KIFAP3: variants seen among roughly 807,000 people sequenced by gnomAD.
KIFAP3 encodes the protein kinesin associated protein 3.
A neutral mutation model predicts 106.5 loss-of-function variants in KIFAP3; 68 were observed. The ratio of observed to expected loss-of-function variants is 0.64; its 90% CI spans 0.53 to 0.78. The LOEUF (loss-of-function observed/expected upper bound fraction) is 0.78. Among genes scored for constraint, KIFAP3 ranks in the 30% least tolerant of loss-of-function variants. The probability of loss-of-function intolerance (pLI) is 0.00; values close to 1 mark genes in which losing one functional copy is unlikely to be tolerated. For synonymous variants in KIFAP3, 320 were observed against 311.5 expected (o/e 1.03, Z -0.29); for missense variants, 780 against 941.8 (o/e 0.83, Z 2.25).
At chr1:169,981,383 C>A (rs1445093866) in intron 15 of KIFAP3, among the ~76,000 whole-genome samples, 1 of 152,162 alleles carries the variant, frequency 6.6e-6, no homozygotes, top group African/African-American at 2.4e-5. Context: ...GCCCATTAGT[C>A]CCTTAGTAGC....
At position 170,055,454 on chromosome 1, in the gene KIFAP3, A is replaced by G; in HGVS notation, c.33-18T>C. On this transcript the variant is annotated intron_variant, in intron 1 of 19. Coordinates refer to ENST00000361580, the MANE Select transcript of KIFAP3 (RefSeq NM_014970.4). Reference sequence around the variant, plus strand: ...TAACTTTCCTATAATACAAAATTGAAATGATATAACCAGATTAAAATTCTC... The same window carrying G: ...TAACTTTCCTATAATACAAAATTGAGATGATATAACCAGATTAAAATTCTC... The G allele has an allele frequency of 6.4e-7, 1 of 1,567,358 alleles. No individual in the cohort carries two copies. The highest frequency in any genetic ancestry group is 8.6e-7 in the Non-Finnish European group (1 of 1,157,772).
intron 10 of KIFAP3, among the ~76,000 whole-genome samples, chr1:169,998,079 A>G (rs555213804): frequency 7.9e-5 from 12 of 151,572 alleles, no homozygotes; most frequent in Non-Finnish European, 1.5e-4. Context: ...TCCCCTCTCA[A>G]TACCCCCCTC....
At chr1:170,035,747 G>A (rs1468827598) in intron 5 of KIFAP3, among the ~76,000 whole-genome samples, 194 bp from the exon 6 acceptor site, 1 of 151,956 alleles carries the variant, frequency 6.6e-6, no homozygotes, top group Non-Finnish European at 1.5e-5. Flanking sequence ...TACGTAACAT[G>A]CTGCTTCAAG....
At chr1:170,023,475 A>G (rs1429227117) in intron 9 of KIFAP3, among the ~76,000 whole-genome samples, 1 of 152,104 alleles carries the variant, frequency 6.6e-6, no homozygotes, top group African/African-American at 2.4e-5. Context: ...ATTATCCTCA[A>G]TGGAGTTAAG....
intron 1 of KIFAP3, among the ~76,000 whole-genome samples, chr1:170,061,626 C>T: frequency 6.6e-6 from 1 of 152,120 alleles, no homozygotes; most frequent in Non-Finnish European, 1.5e-5. Flanking sequence ...GGATCTAGAA[C>T]TAGAAATACC....
At chr1:169,994,688 A>G (rs1035194761) in intron 10 of KIFAP3, among the ~76,000 whole-genome samples, 1 of 152,008 alleles carries the variant, frequency 6.6e-6, no homozygotes, top group Non-Finnish European at 1.5e-5. Flanking sequence ...TTTTATTTAT[A>G]TGAAATAATA....
intron 1 of KIFAP3, among the ~76,000 whole-genome samples, chr1:170,064,908 T>C (rs1671359067): frequency 6.6e-6 from 1 of 152,252 alleles, no homozygotes; most frequent in African/African-American, 2.4e-5. Context: ...ATTTGCATCC[T>C]TGCTCATTCA....
At chr1:170,037,233 T>C (rs1669736615) in intron 5 of KIFAP3, among the ~76,000 whole-genome samples, 1 of 152,168 alleles carries the variant, frequency 6.6e-6, no homozygotes, top group Admixed American at 6.5e-5. Context: ...CATAAAAGAA[T>C]GGCAAGCATA....
At chr1:169,994,310 C>A (rs1183228587) in intron 10 of KIFAP3, among the ~76,000 whole-genome samples, 1 of 152,146 alleles carries the variant, frequency 6.6e-6, no homozygotes, top group Non-Finnish European at 1.5e-5. Flanking sequence ...ATACTACTCT[C>A]AAACATTTTT....
chr1:170,075,552 T>A (rs1384148118), upstream of KIFAP3, among the ~76,000 whole-genome samples: 1 of 152,240 alleles, frequency 6.6e-6, no homozygotes, highest in East Asian at 1.9e-4. Flanking sequence ...AGTACATTGA[T>A]GCAATTATTG....
intron 17 of KIFAP3, among the ~76,000 whole-genome samples, chr1:169,967,653 C>G (rs1665695769): frequency 6.6e-6 from 1 of 151,786 alleles, no homozygotes; most frequent in East Asian, 1.9e-4. Context: ...CTAAGACTTA[C>G]TTAAGCTCTA....
Position 170,001,113 on chromosome 1 carries a change from TTCA to T in KIFAP3, c.1184-8861_1184-8859del, listed in dbSNP as rs577546776. ...GTACATTTTGCCACACAGCTTATTT[TTCA>T]TCATATCTTCAATTATTTTATTATG... On this transcript the variant is annotated intron_variant, in intron 10 of 19. Coordinates refer to ENST00000361580, the MANE Select transcript of KIFAP3 (RefSeq NM_014970.4). Among the ~76,000 whole-genome samples the T allele has an allele frequency of 6.6e-5, 10 of 152,124 alleles. No individual in the cohort carries two copies. In the East Asian group the frequency reaches 7.7e-4, roughly 12 times the overall value.
chr1:169,953,704 CG>C (rs534069285), intron 19 of KIFAP3, among the ~76,000 whole-genome samples: 114 of 152,198 alleles, frequency 7.5e-4, no homozygotes, highest in African/African-American at 2.6e-3. Context: ...TTAGTAGAGA[CG>C]GGGTTTCACC....
chr1:170,046,783 G>A lies in KIFAP3; in HGVS notation c.248C>T (p.Pro83Leu), dbSNP rs1303024759. The change falls in exon 3 of 20, where the codon CCT (proline) becomes CTT (leucine). Residue 83 changes from proline to leucine, a missense_variant. This residue lies in a region of KIFAP3 where 588 missense variants were observed against 678.9 expected (regional missense o/e 0.87). Coordinates refer to ENST00000361580, the MANE Select transcript of KIFAP3 (RefSeq NM_014970.4). ...KVVEECKLIH[P>L]SKLNEVEQLL... ...CTGTTCTACCTCATTTAGTTTTGAA[G>A]GATGAATGAGTTTACATTCTTCAAC... 4 of 1,610,328 alleles carry A rather than the reference G, an allele frequency of 2.5e-6. No homozygotes were observed. The highest frequency in any genetic ancestry group is 2.5e-6 in the Non-Finnish European group (3 of 1,177,922).
At chr1:169,966,464 CAAA>C (rs58208596) in intron 17 of KIFAP3, among the ~76,000 whole-genome samples, 91,032 of 130,184 alleles carry the variant, frequency 0.7, 31,121 homozygotes, top group Non-Finnish European at 0.76. Flanking sequence ...CGGAAAATGG[CAAA>C]AAAAAAAAAA....
intron 11 of KIFAP3, among the ~76,000 whole-genome samples, chr1:169,985,113 AG>A (rs1378349336): frequency 2.0e-5 from 3 of 151,846 alleles, no homozygotes; most frequent in Non-Finnish European, 2.9e-5. Context: ...TTAAGAGATA[AG>A]AAGGTAAAAA....
chr1:169,941,696 G>A (rs1387586377), intron 19 of KIFAP3, among the ~76,000 whole-genome samples: 1 of 151,906 alleles, frequency 6.6e-6, no homozygotes, highest in Non-Finnish European at 1.5e-5. Flanking sequence ...ACCCAAGATG[G>A]CCCCCTGAGG....
chr1:170,020,887 T>C (rs1178670884), intron 9 of KIFAP3, among the ~76,000 whole-genome samples: 2 of 152,150 alleles, frequency 1.3e-5, no homozygotes, highest in African/African-American at 4.8e-5. Flanking sequence ...AAAACCTCTA[T>C]AAAACTTGAA....
At chr1:170,015,482 A>T (rs1171016840) in intron 10 of KIFAP3, among the ~76,000 whole-genome samples, 1 of 152,204 alleles carries the variant, frequency 6.6e-6, no homozygotes, top group Non-Finnish European at 1.5e-5. Flanking sequence ...TCTAAAATGT[A>T]TAATAACATT....
Sources: allele counts gnomAD v4.1 joint callset (sites outside exome capture counted in the v4.1 genomes callset), GRCh38; gene constraint gnomAD v4.1.1; regional missense constraint gnomAD v4.1.1; transcripts MANE v1.5; gene names NCBI Gene and HGNC (gene_info 2026-07-23, HGNC 2026-07-21).